PARD3: variants seen among roughly 807,000 people sequenced by gnomAD.
PARD3 encodes par-3 family cell polarity regulator, also known as partitioning defective 3 homolog.
Under a neutral mutation model 155.4 loss-of-function variants are expected in PARD3, and 75 were observed. That is an observed-to-expected ratio of 0.48 (90% CI 0.40 to 0.58). PARD3 has a LOEUF of 0.58. Among genes scored for constraint, PARD3 ranks in the 20% least tolerant of loss-of-function variants. The probability of loss-of-function intolerance (pLI) is 0.00; values close to 1 mark genes in which losing one functional copy is unlikely to be tolerated. For missense variants in PARD3, 1,642 were observed against 1,721.7 expected (o/e 0.95, Z 0.82); for synonymous variants, 576 against 610.5 (o/e 0.94, Z 0.83).
At chr10:34,402,592 A>G (rs757195776) in intron 5 of PARD3, among the ~76,000 whole-genome samples, 13 of 152,172 alleles carry the variant, frequency 8.5e-5, no homozygotes, top group Non-Finnish European at 1.5e-4. Context: ...TGCATGAAGG[A>G]CCAAACAAAA....
intron 2 of PARD3, among the ~76,000 whole-genome samples, chr10:34,665,879 A>AC (rs1564479812): frequency 2.4e-4 from 36 of 151,646 alleles, no homozygotes; most frequent in African/African-American, 7.8e-4. Context: ...ACAGAACAGA[A>AC]CAGAACAGAA....
intron 20 of PARD3, among the ~76,000 whole-genome samples, chr10:34,311,962 C>A (rs1957724461): frequency 6.6e-6 from 1 of 152,292 alleles, no homozygotes; most frequent in African/African-American, 2.4e-5. Flanking sequence ...GGTGGTTACA[C>A]AACACAACCA....
rs750688603 is a variant in PARD3, at chr10:34,605,180, A to ATTTTTTTTTTTTTT, written c.223-88035_223-88022dup. ...TGATCTGAAACAGCCCCAAAATGAA[A>ATTTTTTTTTTTTTT]TTTTTTTTTTTTTTTTTTTTTTTTT... On this transcript the variant is annotated intron_variant, in intron 2 of 24. Transcript: ENST00000374788. 9.8e-4 allele frequency among the ~76,000 whole-genome samples: 61 copies of ATTTTTTTTTTTTTT among 62,482 alleles called. 1 individual carries two copies. Among genetic ancestry groups the ATTTTTTTTTTTTTT allele is most frequent in the African/African-American group, 3.1e-3 (57 of 18,114 alleles). The allele number at this position is 62,482 out of a possible 152,430, so 41.0% of individuals were successfully genotyped here. A position where few individuals can be genotyped will look rare whatever the true frequency, so the allele number is the denominator to read the frequency against.
At chr10:34,290,737 T>A (rs748459749) in intron 20 of PARD3, among the ~76,000 whole-genome samples, 5 of 152,194 alleles carry the variant, frequency 3.3e-5, no homozygotes, top group Non-Finnish European at 7.3e-5. Flanking sequence ...TTGAAGACCA[T>A]GTGTTTGTAC....
At chr10:34,248,270 G>C (rs1468796659) in intron 22 of PARD3, among the ~76,000 whole-genome samples, 1 of 152,110 alleles carries the variant, frequency 6.6e-6, no homozygotes, top group Non-Finnish European at 1.5e-5. Flanking sequence ...AAAAATACCA[G>C]ATTTTTCAAA....
rs151303664 is a variant in PARD3, at chr10:34,462,503, G to A, written c.582+7582C>T. ...TGTTTTCAAATTTACTAATATGACA[G>A]TTGGCCTTGTAAATTAGAAAGAATG... On this transcript the variant is annotated intron_variant, in intron 4 of 24. Coordinates refer to ENST00000374788, the MANE Select transcript of PARD3 (RefSeq NM_001184785.2). Among the ~76,000 whole-genome samples the A allele has an allele frequency of 1.3e-3, 199 of 152,322 alleles. 1 individual carries two copies. The highest frequency in any genetic ancestry group is 3.4e-3 in the Middle Eastern group (1 of 294).
chr10:34,754,180 A>G (rs375575804), intron 1 of PARD3, among the ~76,000 whole-genome samples: 2 of 152,186 alleles, frequency 1.3e-5, no homozygotes, highest in South Asian at 4.1e-4. Context: ...GGCTAATTTT[A>G]CTTTTCGTAG....
chr10:34,626,127 T>C (rs2091970020), intron 2 of PARD3, among the ~76,000 whole-genome samples: 1 of 152,170 alleles, frequency 6.6e-6, no homozygotes, highest in Non-Finnish European at 1.5e-5. Flanking sequence ...AAAAGACCAC[T>C]CCCTCTTCCC....
At position 34,299,184 on chromosome 10, in the gene PARD3, C is replaced by G. The variant is rs1936426; in HGVS notation, c.3066-14939G>C. On this transcript the variant is annotated intron_variant, in intron 20 of 24. Transcript: ENST00000374788. ...ACAGAGTGCGAGGAGGAGCCCAGTG[C>G]CTCCCAAAAGGCTAAGAGCAGAACT... Among the ~76,000 whole-genome samples the G allele has an allele frequency of 4.2e-4, 64 of 151,952 alleles. 1 individual carries two copies. Among genetic ancestry groups the G allele is most frequent in the South Asian group, 4.1e-4 (2 of 4,826 alleles).
At chr10:34,334,886 G>A (rs1320392995) in intron 18 of PARD3, among the ~76,000 whole-genome samples, 4 of 151,828 alleles carry the variant, frequency 2.6e-5, no homozygotes, top group African/African-American at 9.7e-5. Context: ...TTATGTTGTA[G>A]ATCACAATAA....
chr10:34,160,682 T>C (rs939345464), intron 22 of PARD3, among the ~76,000 whole-genome samples: 22 of 152,194 alleles, frequency 1.4e-4, no homozygotes, highest in African/African-American at 5.3e-4. Flanking sequence ...AAGCAATTGC[T>C]TTCCAATGGA....
intron 1 of PARD3, among the ~76,000 whole-genome samples, chr10:34,728,573 T>C (rs1434065622): frequency 6.6e-6 from 1 of 152,250 alleles, no homozygotes; most frequent in East Asian, 1.9e-4. Flanking sequence ...CTTGTGTTTG[T>C]CCTAATGCTG....
At chr10:34,324,610 C>A (rs1399235025) in intron 19 of PARD3, among the ~76,000 whole-genome samples, 2 of 152,086 alleles carry the variant, frequency 1.3e-5, no homozygotes, top group Non-Finnish European at 2.9e-5. Context: ...CTAGCAATAC[C>A]TTCTGATATT....
intron 22 of PARD3, among the ~76,000 whole-genome samples, chr10:34,185,358 T>A (rs1950439042): frequency 6.6e-6 from 1 of 152,224 alleles, no homozygotes; most frequent in African/African-American, 2.4e-5. Context: ...GTCTTTCATA[T>A]CCTGTCATTA....
intron 2 of PARD3, among the ~76,000 whole-genome samples, chr10:34,583,276 C>T (rs2087666618): frequency 6.6e-6 from 1 of 151,976 alleles, no homozygotes; most frequent in Non-Finnish European, 1.5e-5. Context: ...AGTAAAACAA[C>T]AAAACACCAG....
chr10:34,164,093 A>G (rs1449532693), intron 22 of PARD3, among the ~76,000 whole-genome samples: 1 of 152,208 alleles, frequency 6.6e-6, no homozygotes, highest in Non-Finnish European at 1.5e-5. Flanking sequence ...GTAGTAAATC[A>G]CTAATACAGA....
chr10:34,153,325 A>T (rs1236187317), intron 22 of PARD3, among the ~76,000 whole-genome samples: 2 of 152,098 alleles, frequency 1.3e-5, no homozygotes, highest in Non-Finnish European at 2.9e-5. Flanking sequence ...AGCCATTTTA[A>T]TCTGTGTCAT....
At chr10:34,786,485 T>C (rs1395571866) in intron 1 of PARD3, among the ~76,000 whole-genome samples, 1 of 152,224 alleles carries the variant, frequency 6.6e-6, no homozygotes, top group African/African-American at 2.4e-5. Flanking sequence ...AGGAGGCTCT[T>C]AGGGATGGCA....
chr10:34,499,473 T>G (rs1248759030), intron 3 of PARD3, among the ~76,000 whole-genome samples: 1 of 152,074 alleles, frequency 6.6e-6, no homozygotes, highest in South Asian at 2.1e-4. Context: ...ATTACAACCT[T>G]GGAGAATGTA....
Sources: gnomAD v4.1 joint callset for allele counts (sites outside exome capture counted in the v4.1 genomes callset) on GRCh38, gnomAD v4.1.1 for gene constraint, MANE v1.5 for transcripts, NCBI Gene and HGNC (gene_info 2026-07-23, HGNC 2026-07-21) for gene names.